The following GOLGA8B variants were observed in gnomAD, a reference collection of about 807,000 sequenced individuals.
The protein encoded by GOLGA8B is golgin A8 family member B, also known as golgin subfamily A member 8B.
A neutral mutation model predicts 15.6 loss-of-function variants in GOLGA8B; 1 was observed. The ratio of observed to expected loss-of-function variants is 0.06; its 90% CI spans 0.02 to 0.30. The LOEUF is 0.30. Among genes scored for constraint, GOLGA8B ranks in the 10% least tolerant of loss-of-function variants. The pLI is 1.00. For synonymous variants in GOLGA8B, 9 were observed against 80.3 expected, an observed-to-expected ratio of 0.11 and a Z score of 4.75; for missense variants, 17 against 201.3, an observed-to-expected ratio of 0.08 and a Z score of 5.54.
At position 34,525,146 on chromosome 15, in the gene GOLGA8B, ATAGT is replaced by A. The variant is rs1253445151; in HGVS notation, c.*2482_*2485del. Reference sequence around the variant, plus strand: ...TTGTGTTCTTTTAATAAACACTTGCATAGTTATACTACAATTTTGTGAAAATGAA... The same window carrying A: ...TTGTGTTCTTTTAATAAACACTTGCATATACTACAATTTTGTGAAAATGAA... On this transcript the variant is annotated 3_prime_UTR_variant, in exon 24 of 24. Coordinates refer to ENST00000683415, the MANE Select transcript of GOLGA8B (RefSeq NM_001023567.5). 2 of 149,800 alleles carry A rather than the reference ATAGT, an allele frequency of 1.3e-5. No homozygotes were observed. The highest frequency in any genetic ancestry group is 4.9e-5 in the African/African-American group (2 of 40,522). 9.3% of individuals were successfully genotyped at this position (149,800 alleles called of 1,614,324 possible).
At chr15:34,559,307 A>C (rs1292552797) in intron 1 of GOLGA8B, among the ~76,000 whole-genome samples, 96 of 147,598 alleles carry the variant, frequency 6.5e-4, no homozygotes, top group African/African-American at 1.9e-3. Context: ...TCTGTTGTGA[A>C]GATGGAAAAG....
rs1273934500 is a variant in GOLGA8B, at chr15:34,525,511, T to C, written c.*2121A>G. ...CATTTCTTTCTTTTAAACTACAGTA[T>C]TCATATTTTAAAATGTTTTAACTTA... On this transcript the variant is annotated 3_prime_UTR_variant, in exon 24 of 24. Coordinates refer to ENST00000683415, the MANE Select transcript of GOLGA8B (RefSeq NM_001023567.5). 1 of 150,076 alleles carries C rather than the reference T, an allele frequency of 6.7e-6. No individual in the cohort carries two copies. The highest frequency in any genetic ancestry group is 2.5e-5 in the African/African-American group (1 of 40,600). The allele number at this position is 150,076 out of a possible 1,614,324, so 9.3% of individuals were successfully genotyped here. A position where few individuals can be genotyped will look rare whatever the true frequency, so the allele number is the denominator to read the frequency against.
At position 34,574,651 on chromosome 15, in the gene GOLGA8B, C is replaced by T. The variant is rs34946855; in HGVS notation, c.-1123+8865G>A. On this transcript the variant is annotated intron_variant, in intron 1 of 23. Transcript: ENST00000683415. ...CCTAACAAGTAGCAGGCCTTTCCAGCTACAGCACATGGAAGTAACAAAGGT... is the reference window on the plus strand; with the variant it reads ...CCTAACAAGTAGCAGGCCTTTCCAGTTACAGCACATGGAAGTAACAAAGGT... 7.2e-5 allele frequency among the ~76,000 whole-genome samples: 11 copies of T among 152,256 alleles called. No homozygotes were observed. In the East Asian group the frequency reaches 9.6e-4, roughly 13 times the overall value.
At chr15:34,581,340 A>G (rs1331736895) in intron 1 of GOLGA8B, 1 of 152,474 alleles carries the variant, frequency 6.6e-6, no homozygotes, top group Non-Finnish European at 1.5e-5. Flanking sequence ...AACAAAGCCC[A>G]GCCTTATGCC....
intron 1 of GOLGA8B, among the ~76,000 whole-genome samples, chr15:34,557,644 ATG>A (rs780443805): frequency 0.057 from 4,109 of 72,392 alleles, 54 homozygotes; most frequent in Middle Eastern, 0.11. Flanking sequence ...GAATTCATGA[ATG>A]TGTGTGTGTG....
At chr15:34,532,311 T>C (rs1403615368) in intron 11 of GOLGA8B, among the ~76,000 whole-genome samples, 3 of 58,062 alleles carry the variant, frequency 5.2e-5, no homozygotes, top group African/African-American at 9.4e-5. Context: ...GTTCATTCAA[T>C]AGACATTTAC....
rs531002936 is a variant in GOLGA8B, at chr15:34,573,860, C to G, written c.-1123+9656G>C. Among the ~76,000 whole-genome samples the G allele has an allele frequency of 5.9e-5, 9 of 151,634 alleles. No individual in the cohort carries two copies. In the South Asian group the frequency reaches 1.9e-3, roughly 32 times the overall value. On this transcript the variant is annotated intron_variant, in intron 1 of 23. Transcript: ENST00000683415. ...CACTAGGCCAAGCTTCAAAAGGCAG[C>G]CTGCCAGCCATCGGACTCCCAGGTA... is the stretch of plus-strand genomic sequence containing the variant.
intron 1 of GOLGA8B, among the ~76,000 whole-genome samples, chr15:34,583,206 C>T (rs1271192486): frequency 1.3e-5 from 2 of 151,834 alleles, no homozygotes; most frequent in African/African-American, 4.8e-5. Context: ...CACTTGCCCG[C>T]GCCGAGAGTG....
At chr15:34,572,785 CAG>C (rs1157926777) in intron 1 of GOLGA8B, among the ~76,000 whole-genome samples, 1 of 152,162 alleles carries the variant, frequency 6.6e-6, no homozygotes, top group Admixed American at 6.5e-5. Flanking sequence ...TAATCAGAAA[CAG>C]ATATTTAAAG....
At chr15:34,573,077 C>T (rs1259519365) in intron 1 of GOLGA8B, among the ~76,000 whole-genome samples, 3 of 152,288 alleles carry the variant, frequency 2.0e-5, no homozygotes, top group East Asian at 3.9e-4. Context: ...CATAGCAACA[C>T]CTCCATCTCA....
At chr15:34,578,226 G>C (rs1411842210) in intron 1 of GOLGA8B, among the ~76,000 whole-genome samples, 1 of 152,164 alleles carries the variant, frequency 6.6e-6, no homozygotes, top group Non-Finnish European at 1.5e-5. Context: ...GGCTTCAAGT[G>C]CAAAATGGAA....
rs1001578140 is a variant in GOLGA8B at position 34,526,939 on chromosome 15, A to C, written c.*693T>G. On this transcript the variant is annotated 3_prime_UTR_variant, in exon 24 of 24. Transcript: ENST00000683415. ...CAGTGCTCATTCTTGGCACCGGAACAGATGAAACACACTGTATCCTGCACA... is the reference window on the plus strand; with the variant it reads ...CAGTGCTCATTCTTGGCACCGGAACCGATGAAACACACTGTATCCTGCACA... 10 of 153,856 alleles carry C rather than the reference A, an allele frequency of 6.5e-5. No homozygotes were observed. The highest frequency in any genetic ancestry group is 1.4e-4 in the Non-Finnish European group (10 of 70,252). The allele number at this position is 153,856 out of a possible 1,614,324, so 9.5% of individuals were successfully genotyped here. A position where few individuals can be genotyped will look rare whatever the true frequency, so the allele number is the denominator to read the frequency against.
At chr15:34,582,411 A>G (rs1889263668) in intron 1 of GOLGA8B, among the ~76,000 whole-genome samples, 1 of 152,252 alleles carries the variant, frequency 6.6e-6, no homozygotes, top group Non-Finnish European at 1.5e-5. Context: ...ACAAAAGCAG[A>G]AAGAGGCACA....
chr15:34,581,654 G>A lies in GOLGA8B; in HGVS notation c.-1123+1862C>T, dbSNP rs1889239265. Among the ~76,000 whole-genome samples the A allele has an allele frequency of 2.6e-5, 4 of 151,978 alleles. No homozygotes were observed. The South Asian group carries it at 6.2e-4, about 24-fold the overall frequency. ...CCAGCAGGCCACAACTTGGGTCTGG[G>A]GTGTCAGAGAAAACATGCAAGGTGG... On this transcript the variant is annotated intron_variant, in intron 1 of 23. Coordinates refer to ENST00000683415, the MANE Select transcript of GOLGA8B (RefSeq NM_001023567.5).
chr15:34,527,473 A>C lies in GOLGA8B; in HGVS notation c.*159T>G. On this transcript the variant is annotated 3_prime_UTR_variant, in exon 24 of 24. Coordinates refer to ENST00000683415, the MANE Select transcript of GOLGA8B (RefSeq NM_001023567.5). The stretch of plus-strand genomic sequence containing the variant: ...GAGGCACAGAGACCCACTCTCTTTT[A>C]ACTTTTTACAAATAAACTTAAACTA... 1 of 713,474 alleles carries C rather than the reference A, an allele frequency of 1.4e-6. No individual in the cohort carries two copies. The highest frequency in any genetic ancestry group is 2.1e-6 in the Non-Finnish European group (1 of 474,256). 44.2% of individuals were successfully genotyped at this position (713,474 alleles called of 1,614,324 possible).
intron 1 of GOLGA8B, among the ~76,000 whole-genome samples, chr15:34,572,256 A>G (rs1566935528): frequency 6.6e-6 from 1 of 152,204 alleles, no homozygotes; most frequent in Non-Finnish European, 1.5e-5. Context: ...CAATTTGGCA[A>G]TATCTGTTGA....
At chr15:34,582,425 G>C (rs570178817) in intron 1 of GOLGA8B, among the ~76,000 whole-genome samples, 1 of 152,376 alleles carries the variant, frequency 6.6e-6, no homozygotes. Flanking sequence ...AGGCACAGGA[G>C]GTTGAAGAGG....
chr15:34,543,347 C>T (rs1277874953), intron 7 of GOLGA8B, among the ~76,000 whole-genome samples: 1 of 147,136 alleles, frequency 6.8e-6, no homozygotes, highest in African/African-American at 2.5e-5. Context: ...CAGCTTTTTT[C>T]TTCTTCTTCT....
At chr15:34,580,146 G>A (rs1456585258) in intron 1 of GOLGA8B, among the ~76,000 whole-genome samples, 1 of 152,140 alleles carries the variant, frequency 6.6e-6, no homozygotes, top group African/African-American at 2.4e-5. Flanking sequence ...GGGATAAGAC[G>A]AAAGAGCCTA....
Sources: gnomAD v4.1 joint callset for allele counts (sites outside exome capture counted in the v4.1 genomes callset) on GRCh38, gnomAD v4.1.1 for gene constraint, MANE v1.5 for transcripts, NCBI Gene and HGNC (gene_info 2026-07-23, HGNC 2026-07-21) for gene names.